Variants in FMNL2 observed in about 807,000 individuals in gnomAD.
The protein encoded by FMNL2 is formin-like protein 2.
A neutral mutation model predicts 130.2 loss-of-function variants in FMNL2; 51 were observed. The observed-to-expected ratio is 0.39, with a 90% CI of 0.31 to 0.49. FMNL2 has a LOEUF of 0.49. Ranked by LOEUF, FMNL2 falls within the 20% of genes least tolerant of loss-of-function variation. The pLI, the probability that FMNL2 is intolerant of heterozygous loss-of-function variation, is 0.85. For missense variants in FMNL2, 977 were observed against 1,316.2 expected, an observed-to-expected ratio of 0.74 and a Z score of 3.99; for synonymous variants, 465 against 467.1, an observed-to-expected ratio of 1.00 and a Z score of 0.06.
At chr2:152,429,215 CAAAAAAAAA>C (rs3047928) in intron 1 of FMNL2, among the ~76,000 whole-genome samples, 1 of 95,788 alleles carries the variant, frequency 1.0e-5, no homozygotes, top group Non-Finnish European at 2.6e-5. Context: ...CTTAGAGGAA[CAAAAAAAAA>C]AAAAAAAAAA....
In FMNL2 at chr2:152,580,949, T is replaced by A; in HGVS notation, c.783-7T>A. On this transcript the variant is annotated splice_polypyrimidine_tract_variant and splice_region_variant and intron_variant, in intron 8 of 25. Coordinates refer to ENST00000288670, the MANE Select transcript of FMNL2 (RefSeq NM_052905.4). Reference sequence around the variant, plus strand: ...GATTTGTGTTTTTCTTCTTCTTGTTTTGGCAGAACAAAAGCCCTTGTCTTA... The same window carrying A: ...GATTTGTGTTTTTCTTCTTCTTGTTATGGCAGAACAAAAGCCCTTGTCTTA... 2 of 1,612,312 alleles carry A rather than the reference T, an allele frequency of 1.2e-6. No homozygotes were observed. Among genetic ancestry groups the A allele is most frequent in the Non-Finnish European group, 1.7e-6 (2 of 1,179,396 alleles).
intron 18 of FMNL2, 98 bp from the exon 19 acceptor site, chr2:152,629,558 C>T (rs1682029313): frequency 1.8e-6 from 2 of 1,081,382 alleles, no homozygotes; most frequent in Non-Finnish European, 2.7e-6. Flanking sequence ...GCTCTAAATG[C>T]AGGCCTGTTT....
intron 1 of FMNL2, among the ~76,000 whole-genome samples, chr2:152,459,513 G>T (rs1041520431): frequency 6.6e-6 from 1 of 152,074 alleles, no homozygotes; most frequent in African/African-American, 2.4e-5. Context: ...TTACTAATAG[G>T]CATATTAAGC....
chr2:152,353,446 T>C (rs1316058249), intron 1 of FMNL2, among the ~76,000 whole-genome samples: 2 of 152,216 alleles, frequency 1.3e-5, no homozygotes, highest in African/African-American at 4.8e-5. Context: ...CTCTAAGCCT[T>C]ACTTCTCTAG....
chr2:152,513,400 A>T (rs1692590836), intron 1 of FMNL2, among the ~76,000 whole-genome samples: 1 of 152,210 alleles, frequency 6.6e-6, no homozygotes, highest in African/African-American at 2.4e-5. Context: ...AGATCTTCAG[A>T]ATTTATTCAT....
At chr2:152,640,183 G>T in intron 24 of FMNL2, 127 bp downstream of exon 24, 1 of 699,460 alleles carries the variant, frequency 1.4e-6, no homozygotes, top group Admixed American at 3.3e-5. Flanking sequence ...TCTGGTGCCT[G>T]GACACTTGGC....
chr2:152,506,465 G>A (rs2346206), intron 1 of FMNL2, among the ~76,000 whole-genome samples: 61,745 of 151,996 alleles, frequency 0.41, 14,447 homozygotes, highest in Non-Finnish European at 0.54. Context: ...GTAAATAGTT[G>A]TTATACTATA....
At chr2:152,644,847 C>T (rs907189289) in intron 25 of FMNL2, among the ~76,000 whole-genome samples, 3 of 152,128 alleles carry the variant, frequency 2.0e-5, no homozygotes, top group Non-Finnish European at 4.4e-5. Flanking sequence ...AAAAAAGGGT[C>T]AAACTTTTCA....
chr2:152,516,332 T>C (rs1027414933), intron 1 of FMNL2, among the ~76,000 whole-genome samples: 15 of 152,200 alleles, frequency 9.9e-5, no homozygotes, highest in African/African-American at 3.4e-4. Flanking sequence ...TTTAAAGTAA[T>C]GACTCCTTCT....
chr2:152,335,584 G>A lies in FMNL2; in HGVS notation c.-20G>A, dbSNP rs777670989. On this transcript the variant is annotated 5_prime_UTR_variant, in exon 1 of 26. Coordinates refer to ENST00000288670, the MANE Select transcript of FMNL2 (RefSeq NM_052905.4). Reference sequence around the variant, plus strand: ...ACGCTAGGGGCCCGGAGCAGCCCCCGGCCCCGGCGCGCCGCCGACATGGGC... The same window carrying A: ...ACGCTAGGGGCCCGGAGCAGCCCCCAGCCCCGGCGCGCCGCCGACATGGGC... The A allele has an allele frequency of 2.5e-6, 4 of 1,576,466 alleles. No homozygotes were observed. Among genetic ancestry groups the A allele is most frequent in the South Asian group, 1.1e-5 (1 of 89,002 alleles).
intron 1 of FMNL2, among the ~76,000 whole-genome samples, chr2:152,415,168 TAA>T (rs11325472): frequency 5.5e-5 from 8 of 145,208 alleles, no homozygotes; most frequent in South Asian, 2.2e-4. Flanking sequence ...TCTGATACAT[TAA>T]AAAAAAAAAA....
At chr2:152,644,697 G>C (rs1031871975) in intron 25 of FMNL2, among the ~76,000 whole-genome samples, 3 of 152,190 alleles carry the variant, frequency 2.0e-5, no homozygotes, top group African/African-American at 7.2e-5. Context: ...TTCACCGGTA[G>C]CTCTGTTCCA....
chr2:152,559,284 G>A (rs137866455), intron 5 of FMNL2, among the ~76,000 whole-genome samples: 7 of 152,276 alleles, frequency 4.6e-5, no homozygotes, highest in African/African-American at 1.7e-4. Context: ...GAGGTAACAG[G>A]AGGCTGTTCC....
chr2:152,625,567 T>C lies in FMNL2; in HGVS notation c.1962+5T>C. The stretch of plus-strand genomic sequence containing the variant: ...GATGATGAGCGAATTCTGGAGGTAT[T>C]TTTCTCATTGGTTAGAAACTAGAGG... On this transcript the variant is annotated splice_donor_5th_base_variant and intron_variant, in intron 16 of 25. Transcript: ENST00000288670. 3.7e-6 allele frequency: 6 copies of C among 1,601,174 alleles called. No homozygotes were observed. Among genetic ancestry groups the C allele is most frequent in the Non-Finnish European group, 5.1e-6 (6 of 1,169,400 alleles).
At chr2:152,497,420 C>G (rs1375625644) in intron 1 of FMNL2, among the ~76,000 whole-genome samples, 1 of 152,062 alleles carries the variant, frequency 6.6e-6, no homozygotes. Flanking sequence ...ATTAGGTTCT[C>G]TTATTTCATT....
chr2:152,585,093 C>T (rs933277305), intron 9 of FMNL2, among the ~76,000 whole-genome samples: 2 of 152,152 alleles, frequency 1.3e-5, no homozygotes, highest in African/African-American at 2.4e-5. Context: ...TGCCTGAAAA[C>T]ATGAGTGTAT....
intron 2 of FMNL2, among the ~76,000 whole-genome samples, chr2:152,531,592 C>T (rs529150649): frequency 6.6e-6 from 1 of 152,052 alleles, no homozygotes; most frequent in African/African-American, 2.4e-5. Flanking sequence ...CTCCTGCCTC[C>T]TGCCTCCCGA....
chr2:152,364,682 C>A (rs1319084072), intron 1 of FMNL2, among the ~76,000 whole-genome samples: 1 of 152,138 alleles, frequency 6.6e-6, no homozygotes, highest in Non-Finnish European at 1.5e-5. Context: ...TGGAATTAGC[C>A]TGTGACTTTG....
At chr2:152,521,335 A>G (rs150900441) in intron 1 of FMNL2, among the ~76,000 whole-genome samples, 8 of 152,328 alleles carry the variant, frequency 5.3e-5, no homozygotes, top group African/African-American at 1.9e-4. Flanking sequence ...CCTCATGATT[A>G]ATTTCCTACT....
Sources: gnomAD v4.1 joint callset for allele counts (sites outside exome capture counted in the v4.1 genomes callset) on GRCh38, gnomAD v4.1.1 for gene constraint, MANE v1.5 for transcripts, NCBI Gene and HGNC (gene_info 2026-07-23, HGNC 2026-07-21) for gene names.